KCNAB1: variants seen among roughly 807,000 people sequenced by gnomAD.
KCNAB1 encodes potassium voltage-gated channel subfamily A regulatory beta subunit 1, also known as voltage-gated potassium channel subunit beta-1.
KCNAB1 carries 35 observed loss-of-function variants against 64.6 expected under a neutral mutation model. The observed-to-expected ratio is 0.54, with a 90% CI of 0.41 to 0.72. The LOEUF is 0.72. Among genes scored for constraint, KCNAB1 ranks in the 30% least tolerant of loss-of-function variants. The pLI is 0.00. For synonymous variants in KCNAB1, 177 were observed against 183.8 expected, an observed-to-expected ratio of 0.96 and a Z score of 0.30; for missense variants, 401 against 512.9, an observed-to-expected ratio of 0.78 and a Z score of 2.11.
chr3:156,452,005 T>C lies in KCNAB1; in HGVS notation c.320-894T>C, dbSNP rs1712044620. Among the ~76,000 whole-genome samples the C allele has an allele frequency of 1.3e-5, 2 of 152,164 alleles. No individual in the cohort carries two copies. ...TCAAATGGTCTTATAAACCGTGAGCTCCTGCGAGACAGGAACTGGGCCAAT... is the reference window on the plus strand; with the variant it reads ...TCAAATGGTCTTATAAACCGTGAGCCCCTGCGAGACAGGAACTGGGCCAAT... On this transcript the variant is annotated intron_variant, in intron 2 of 13. Coordinates refer to ENST00000490337, the MANE Select transcript of KCNAB1 (RefSeq NM_172160.3). The surrounding 1 kb of genome is among the most constrained non-coding windows in gnomAD (Gnocchi z 4.6).
intron 8 of KCNAB1, among the ~76,000 whole-genome samples, chr3:156,499,519 A>G (rs1001148515): frequency 6.6e-6 from 1 of 152,080 alleles, no homozygotes; most frequent in Non-Finnish European, 1.5e-5. Flanking sequence ...GTCCCTTCAT[A>G]TTGTTAACCC....
chr3:156,213,069 C>T (rs931237823), intron 1 of KCNAB1, among the ~76,000 whole-genome samples: 20 of 152,158 alleles, frequency 1.3e-4, no homozygotes, highest in Non-Finnish European at 1.6e-4. Context: ...TGGAACAGCT[C>T]GCTTAGTAAC....
intron 1 of KCNAB1, among the ~76,000 whole-genome samples, chr3:156,270,429 T>G (rs1005242746): frequency 4.6e-5 from 7 of 152,176 alleles, no homozygotes; most frequent in Non-Finnish European, 1.0e-4. Context: ...TTTAATTTCT[T>G]GCTTTTTATT....
rs1576891619 is a variant in KCNAB1 at position 156,457,647 on chromosome 3, A to G, written c.437+115A>G. On this transcript the variant is annotated intron_variant, in intron 4 of 13. Coordinates refer to ENST00000490337, the MANE Select transcript of KCNAB1 (RefSeq NM_172160.3). Reference sequence around the variant, plus strand: ...TTCTGTCCTTTCTCCACGTGTTGGCAGCTCTGCTCTGTTCTGCCCTCTACC... The same window carrying G: ...TTCTGTCCTTTCTCCACGTGTTGGCGGCTCTGCTCTGTTCTGCCCTCTACC... 4 of 889,716 alleles carry G rather than the reference A, an allele frequency of 4.5e-6. No homozygotes were observed. The East Asian group carries it at 7.4e-5, about 16-fold the overall frequency. 55.1% of individuals were successfully genotyped at this position (889,716 alleles called of 1,614,324 possible).
intron 1 of KCNAB1, among the ~76,000 whole-genome samples, chr3:156,352,207 T>C (rs1407069199): frequency 3.3e-5 from 5 of 152,158 alleles, no homozygotes; most frequent in African/African-American, 1.2e-4. Context: ...TCCTGTGGGC[T>C]CCTCCCGGGG....
At chr3:156,234,139 G>T (rs1266452228) in intron 1 of KCNAB1, among the ~76,000 whole-genome samples, 1 of 152,054 alleles carries the variant, frequency 6.6e-6, no homozygotes, top group Non-Finnish European at 1.5e-5. Context: ...AATTCCCCAG[G>T]GGCTGGGGTT....
intron 1 of KCNAB1, chr3:156,291,996 C>A (rs771932834): frequency 1.2e-6 from 2 of 1,614,158 alleles, no homozygotes; most frequent in Admixed American, 1.7e-5. Context: ...TCCACCGCCC[C>A]CAATGTGGTG....
chr3:156,300,442 A>G (rs1721078505), intron 1 of KCNAB1, among the ~76,000 whole-genome samples: 1 of 152,202 alleles, frequency 6.6e-6, no homozygotes, highest in African/African-American at 2.4e-5. Flanking sequence ...AACTGTAACT[A>G]TAACTCTCAT....
intron 1 of KCNAB1, among the ~76,000 whole-genome samples, chr3:156,366,985 T>C (rs1036609692): frequency 6.6e-6 from 1 of 152,134 alleles, no homozygotes; most frequent in Non-Finnish European, 1.5e-5. Context: ...GCAAAAAACC[T>C]GCACTAAAAG....
chr3:156,496,145 C>A (rs937658594), intron 8 of KCNAB1, among the ~76,000 whole-genome samples: 3 of 152,036 alleles, frequency 2.0e-5, no homozygotes, highest in African/African-American at 7.2e-5. Context: ...TGACATTTTT[C>A]TCCATGTCAG....
At chr3:156,172,232 A>G (rs552642992) in intron 1 of KCNAB1, among the ~76,000 whole-genome samples, 2 of 151,470 alleles carry the variant, frequency 1.3e-5, no homozygotes, top group East Asian at 3.9e-4. Flanking sequence ...GGGACAGCAG[A>G]GTTTCATAAC....
At chr3:156,385,519 A>C (rs1037978312) in intron 1 of KCNAB1, among the ~76,000 whole-genome samples, 3 of 152,174 alleles carry the variant, frequency 2.0e-5, no homozygotes, top group African/African-American at 4.8e-5. Flanking sequence ...TGCTTTTCAA[A>C]AAAGCATATT....
intron 1 of KCNAB1, among the ~76,000 whole-genome samples, chr3:156,307,435 C>G (rs1721577110): frequency 1.3e-5 from 2 of 151,584 alleles, no homozygotes; most frequent in South Asian, 4.2e-4. Flanking sequence ...AAAAGTTCCT[C>G]TTGCCAGTAC....
chr3:156,178,884 C>A lies in KCNAB1; in HGVS notation c.275+57998C>A, dbSNP rs1712576746. On this transcript the variant is annotated intron_variant, in intron 1 of 13. Coordinates refer to ENST00000490337, the MANE Select transcript of KCNAB1 (RefSeq NM_172160.3). The stretch of plus-strand genomic sequence containing the variant: ...GGCGTGTTGGCGGGAGCCTGTAGTC[C>A]CAGCTACTTGGGAGGCTGAGGCAGG... 2.0e-5 allele frequency among the ~76,000 whole-genome samples: 3 copies of A among 151,580 alleles called. No individual in the cohort carries two copies. In the South Asian group the frequency reaches 6.3e-4, roughly 32 times the overall value.
rs138427097 is a variant in KCNAB1 at position 156,361,777 on chromosome 3, G to A, written c.276-59839G>A. 8.2e-3 allele frequency among the ~76,000 whole-genome samples: 1,255 copies of A among 152,178 alleles called. 21 individuals are homozygous for A. The highest frequency in any genetic ancestry group is 0.029 in the African/African-American group (1,210 of 41,522). Reference sequence around the variant, plus strand: ...GGGCTCAAGGGATCCTCCCACTTCAGCCTCCCAAGTAGCTGGGAGTACAGG... The same window carrying A: ...GGGCTCAAGGGATCCTCCCACTTCAACCTCCCAAGTAGCTGGGAGTACAGG... On this transcript the variant is annotated intron_variant, in intron 1 of 13. Transcript: ENST00000490337.
intron 1 of KCNAB1, among the ~76,000 whole-genome samples, chr3:156,180,701 T>A (rs1406594524): frequency 6.6e-6 from 1 of 152,008 alleles, no homozygotes; most frequent in Non-Finnish European, 1.5e-5. Flanking sequence ...TAGAGATGAG[T>A]AAAACATCAT....
Position 156,419,944 on chromosome 3 carries a change from T to C in KCNAB1, c.276-1672T>C, listed in dbSNP as rs1292773770. Among the ~76,000 whole-genome samples, 3 of 152,260 alleles carry C rather than the reference T, an allele frequency of 2.0e-5. No individual in the cohort carries two copies. In the East Asian group the frequency reaches 5.8e-4, roughly 29 times the overall value. ...ACCAAGAAAAGTCTTTGTACATCTA[T>C]TGATTTCTGAAAAACTACTAAATGA... On this transcript the variant is annotated intron_variant, in intron 1 of 13. Transcript: ENST00000490337.
intron 2 of KCNAB1, among the ~76,000 whole-genome samples, chr3:156,448,283 T>C (rs1182747816): frequency 1.3e-5 from 2 of 152,242 alleles, no homozygotes; most frequent in African/African-American, 2.4e-5. Flanking sequence ...GAAATAATTG[T>C]ATGCCATTCT....
chr3:156,375,122 G>A (rs1240419711), intron 1 of KCNAB1, among the ~76,000 whole-genome samples: 2 of 135,734 alleles, frequency 1.5e-5, no homozygotes, highest in African/African-American at 3.3e-5. Flanking sequence ...TTAGACTGTC[G>A]TGATTTATAA....
Sources: gnomAD v4.1 joint callset for allele counts (sites outside exome capture counted in the v4.1 genomes callset) on GRCh38, gnomAD v4.1.1 for gene constraint, Gnocchi (gnomAD v3.1) non-coding constraint, MANE v1.5 for transcripts, NCBI Gene and HGNC (gene_info 2026-07-23, HGNC 2026-07-21) for gene names.